MALRD1: variants seen among roughly 807,000 people sequenced by gnomAD.
MALRD1 encodes the protein MAM and LDL-receptor class A domain-containing protein 1.
A neutral mutation model predicts 242.1 loss-of-function variants in MALRD1; 247 were observed. The observed-to-expected ratio is 1.02, with a 90% CI of 0.92 to 1.13. The LOEUF (loss-of-function observed/expected upper bound fraction) is 1.13. MALRD1 is among the 50% of genes most tolerant of loss of function. The probability of loss-of-function intolerance (pLI) is 0.00; values close to 1 mark genes in which losing one functional copy is unlikely to be tolerated. For synonymous variants in MALRD1, 995 were observed against 866.6 expected (o/e 1.15, Z -2.60); for missense variants, 2,989 against 2,533.1 (o/e 1.18, Z -3.86).
chr10:19,655,528 GTGTATATATATATATA>G (rs928693059), intron 36 of MALRD1, among the ~76,000 whole-genome samples: 6 of 102,942 alleles, frequency 5.8e-5, no homozygotes, highest in African/African-American at 1.8e-4. Context: ...ATATGTGTGA[GTGTATATATATATATA>G]TATATATATA....
chr10:19,684,761 T>C (rs576875113), intron 36 of MALRD1, among the ~76,000 whole-genome samples: 2 of 151,952 alleles, frequency 1.3e-5, no homozygotes, highest in African/African-American at 4.8e-5. Context: ...CAAAAACAAA[T>C]AAATAAATAA....
chr10:19,192,387 G>A (rs939029244), intron 14 of MALRD1, among the ~76,000 whole-genome samples: 4 of 152,170 alleles, frequency 2.6e-5, no homozygotes, highest in Admixed American at 6.5e-5. Context: ...AGGGGGAAAA[G>A]CAAATAAGAA....
intron 5 of MALRD1, among the ~76,000 whole-genome samples, chr10:19,114,609 G>T (rs1052134808): frequency 2.0e-5 from 3 of 152,090 alleles, no homozygotes; most frequent in Admixed American, 6.6e-5. Flanking sequence ...GACAAAAAAA[G>T]ACTCTGTCCT....
At chr10:19,460,994 A>G (rs1193446651) in intron 29 of MALRD1, among the ~76,000 whole-genome samples, 3 of 152,292 alleles carry the variant, frequency 2.0e-5, no homozygotes, top group Non-Finnish European at 4.4e-5. Flanking sequence ...TGGACCAATC[A>G]AAACAACTTC....
intron 11 of MALRD1, among the ~76,000 whole-genome samples, chr10:19,149,364 G>C (rs1484463548): frequency 6.6e-6 from 1 of 151,964 alleles, no homozygotes; most frequent in African/African-American, 2.4e-5. Flanking sequence ...TCTAGTTTTT[G>C]TGTGTATGTG....
At chr10:19,375,652 TATAAG>T (rs762220490) in intron 26 of MALRD1, among the ~76,000 whole-genome samples, 91 of 152,292 alleles carry the variant, frequency 6.0e-4, no homozygotes, top group Non-Finnish European at 9.6e-4. Flanking sequence ...GAACCATTGT[TATAAG>T]ATGTGAGAGT....
At chr10:19,136,175 C>A (rs978265854) in intron 9 of MALRD1, among the ~76,000 whole-genome samples, 8 of 142,898 alleles carry the variant, frequency 5.6e-5, no homozygotes, top group African/African-American at 2.4e-4. Context: ...GTAATGACAA[C>A]ACTTCTTATT....
At chr10:19,240,385 A>G (rs1412074534) in intron 18 of MALRD1, among the ~76,000 whole-genome samples, 1 of 152,000 alleles carries the variant, frequency 6.6e-6, no homozygotes, top group Non-Finnish European at 1.5e-5. Context: ...TTTTTGGTCA[A>G]GTCTTTAGGG....
chr10:19,231,630 C>G (rs768699958), intron 18 of MALRD1, among the ~76,000 whole-genome samples: 124 of 152,292 alleles, frequency 8.1e-4, no homozygotes, highest in Middle Eastern at 6.8e-3. Context: ...GCTTTCTTCT[C>G]TGCTACCATT....
intron 26 of MALRD1, among the ~76,000 whole-genome samples, chr10:19,386,364 A>T (rs1033404928): frequency 2.0e-5 from 3 of 152,104 alleles, no homozygotes; most frequent in Admixed American, 2.0e-4. Flanking sequence ...CCTTTGAAGT[A>T]AAGCAAGGAG....
intron 1 of MALRD1, among the ~76,000 whole-genome samples, chr10:19,065,319 A>G (rs1834943673): frequency 6.6e-6 from 1 of 150,874 alleles, no homozygotes; most frequent in African/African-American, 2.4e-5. Context: ...AGGAAGAAAG[A>G]AAGAGAAAGA....
chr10:19,226,528 G>A (rs943554339), intron 18 of MALRD1, among the ~76,000 whole-genome samples: 4 of 152,038 alleles, frequency 2.6e-5, no homozygotes, highest in Non-Finnish European at 4.4e-5. Flanking sequence ...CTTATGAGAT[G>A]ATAATTCTCC....
intron 27 of MALRD1, among the ~76,000 whole-genome samples, chr10:19,388,740 G>T (rs1477899002): frequency 1.3e-5 from 2 of 152,114 alleles, no homozygotes; most frequent in African/African-American, 2.4e-5. Flanking sequence ...AATAAAGCTT[G>T]TTACTTTATT....
chr10:19,314,289 G>C (rs1453329492), intron 21 of MALRD1, among the ~76,000 whole-genome samples: 1 of 151,554 alleles, frequency 6.6e-6, no homozygotes, highest in Non-Finnish European at 1.5e-5. Context: ...GAATTCTTAG[G>C]TGAATCAAGA....
intron 4 of MALRD1, among the ~76,000 whole-genome samples, chr10:19,095,707 C>T (rs1367211145): frequency 6.6e-6 from 1 of 152,086 alleles, no homozygotes; most frequent in East Asian, 1.9e-4. Flanking sequence ...AGAATGAGTA[C>T]CCCCGAGCAC....
At chr10:19,520,271 A>G (rs1833821154) in intron 31 of MALRD1, among the ~76,000 whole-genome samples, 1 of 152,060 alleles carries the variant, frequency 6.6e-6, no homozygotes, top group Non-Finnish European at 1.5e-5. Flanking sequence ...AATGTATAAA[A>G]CTGATGACAT....
chr10:19,659,329 G>A (rs1247826323), intron 36 of MALRD1, among the ~76,000 whole-genome samples: 5 of 152,088 alleles, frequency 3.3e-5, no homozygotes, highest in Admixed American at 1.3e-4. Context: ...ATAGTCCTGG[G>A]AGATGGGTAC....
chr10:19,207,073 C>T (rs150129990), intron 17 of MALRD1, among the ~76,000 whole-genome samples: 39 of 152,282 alleles, frequency 2.6e-4, no homozygotes, highest in African/African-American at 8.9e-4. Flanking sequence ...GATTTATTCT[C>T]GCCTGGCTGC....
At chr10:19,221,742 C>G (rs967782159) in intron 18 of MALRD1, among the ~76,000 whole-genome samples, 5 of 151,882 alleles carry the variant, frequency 3.3e-5, no homozygotes, top group Admixed American at 6.6e-5. Context: ...GTATTTTGGA[C>G]CCTCCAAAAT....
Sources: gnomAD v4.1 joint callset for allele counts (sites outside exome capture counted in the v4.1 genomes callset) on GRCh38, gnomAD v4.1.1 for gene constraint, MANE v1.5 for transcripts, NCBI Gene and HGNC (gene_info 2026-07-23, HGNC 2026-07-21) for gene names.